The following ZNF155 variants were observed in gnomAD, a reference collection of about 807,000 sequenced individuals.
ZNF155 encodes the protein KRAB A domain.
A neutral mutation model predicts 11.9 loss-of-function variants in ZNF155; 15 were observed. The ratio of observed to expected loss-of-function variants is 1.26; its 90% CI spans 0.84 to 1.94. ZNF155 has a LOEUF of 1.94. Ranked by LOEUF, ZNF155 falls within the 30% of genes most tolerant of loss-of-function variation. The pLI is 0.00. For synonymous variants in ZNF155, 212 were observed against 219.9 expected (o/e 0.96, Z 0.32); for missense variants, 602 against 639.1 (o/e 0.94, Z 0.63).
chr19:43,992,971 C>G (rs1975716500), intron 4 of ZNF155, among the ~76,000 whole-genome samples: 1 of 152,236 alleles, frequency 6.6e-6, no homozygotes, highest in African/African-American at 2.4e-5. Context: ...TATCCTGGAG[C>G]TTTCCATAGG....
chr19:43,996,157 C>A lies in ZNF155; in HGVS notation c.300C>A (p.Cys100Ter). 6.2e-7 allele frequency: 1 copy of A among 1,613,890 alleles called. No homozygotes were observed. ...CAGGAGCACATGAAGAGTGGTCCTG[C>A]CAGCAAATCTGGGAACAAATTGCAA... Reference protein sequence around the residue: ...PEAGAHEEWSCQQIWEQIAKD... With the variant: ...PEAGAHEEWS Residue 100 changes from cysteine to a stop codon, truncating the protein, a stop_gained, in exon 5 of 5, where the codon TGC becomes TGA. Coordinates refer to ENST00000270014, the MANE Select transcript of ZNF155 (RefSeq NM_198089.3). LOFTEE classifies it low-confidence loss of function (END_TRUNC).
intron 1 of ZNF155, among the ~76,000 whole-genome samples, chr19:43,987,706 A>C (rs1200966291): frequency 1.3e-5 from 2 of 152,134 alleles, no homozygotes; most frequent in South Asian, 2.1e-4. Context: ...ATGGGCATTC[A>C]CTCTAAAAAT....
chr19:43,985,667 A>C (rs1975416479), intron 1 of ZNF155, among the ~76,000 whole-genome samples: 1 of 149,862 alleles, frequency 6.7e-6, no homozygotes, highest in Middle Eastern at 3.5e-3. Flanking sequence ...TCAGCCTCCT[A>C]AGTAGCTGGG....
chr19:43,986,077 T>C (rs1975430930), intron 1 of ZNF155, among the ~76,000 whole-genome samples: 1 of 152,250 alleles, frequency 6.6e-6, no homozygotes, highest in African/African-American at 2.4e-5. Flanking sequence ...GTAGGAGTCT[T>C]TTAAAAATTT....
At position 43,984,224 on chromosome 19, in the gene ZNF155, T is replaced by G. The variant is rs986479887; in HGVS notation, c.-107T>G. The G allele has an allele frequency of 6.6e-6, 1 of 152,010 alleles. No individual in the cohort carries two copies. Among genetic ancestry groups the G allele is most frequent in the African/African-American group, 2.4e-5 (1 of 41,410 alleles). 9.4% of individuals were successfully genotyped at this position (152,010 alleles called of 1,614,324 possible). On this transcript the variant is annotated 5_prime_UTR_variant, in exon 1 of 5. Transcript: ENST00000270014. ...CGGTCTCCGAGCAGGACACTGCTAC[T>G]TAACAAGGTGGTTTGAGCCAAGTAT...
At chr19:43,987,581 A>G (rs555770144) in intron 1 of ZNF155, among the ~76,000 whole-genome samples, 1 of 152,284 alleles carries the variant, frequency 6.6e-6, no homozygotes, top group Non-Finnish European at 1.5e-5. Context: ...TTGGCCCTTC[A>G]TTGGTGATCT....
At chr19:43,994,744 T>C (rs1234990435) in intron 4 of ZNF155, among the ~76,000 whole-genome samples, 1 of 152,178 alleles carries the variant, frequency 6.6e-6, no homozygotes, top group Non-Finnish European at 1.5e-5. Flanking sequence ...GTACTGTCAG[T>C]CACAGAAACT....
chr19:43,992,135 A>G (rs1337959540), intron 4 of ZNF155, among the ~76,000 whole-genome samples: 5 of 152,322 alleles, frequency 3.3e-5, no homozygotes, highest in East Asian at 3.9e-4. Flanking sequence ...AATGGAAGTC[A>G]GATTGTCATT....
intron 2 of ZNF155, chr19:43,988,951 A>T (rs1171413646): frequency 1.2e-5 from 2 of 161,262 alleles, no homozygotes; most frequent in African/African-American, 4.8e-5. Context: ...TTTTATGGTT[A>T]CATCATATTC....
intron 1 of ZNF155, among the ~76,000 whole-genome samples, chr19:43,985,533 CTTTTTTTTTTTTT>C (rs752604890): frequency 1.0e-5 from 1 of 97,876 alleles, no homozygotes; most frequent in African/African-American, 3.5e-5. Flanking sequence ...TGCTCTTTTT[CTTTTTTTTTTTTT>C]TTTTTTTTTC....
At chr19:43,990,179 G>A (rs1975603615) in intron 2 of ZNF155, 20 of 1,008,840 alleles carry the variant, frequency 2.0e-5, no homozygotes, top group Middle Eastern at 2.1e-4. Context: ...CTTATTTTTT[G>A]ATGTTTTAAT....
At chr19:43,991,982 T>C (rs1975683192) in intron 4 of ZNF155, 48 bp downstream of exon 4, 2 of 1,553,158 alleles carry the variant, frequency 1.3e-6, no homozygotes, top group Non-Finnish European at 1.8e-6. Flanking sequence ...CTCCCACCTG[T>C]TGTGCTTCTG....
In ZNF155 at chr19:43,996,781, G is replaced by A; in HGVS notation, c.924G>A (p.Met308Ile). The A allele has an allele frequency of 6.2e-7, 1 of 1,613,966 alleles. No homozygotes were observed. The highest frequency in any genetic ancestry group is 8.5e-7 in the Non-Finnish European group (1 of 1,179,984). Residue 308 changes from methionine to isoleucine, a missense_variant, in exon 5 of 5, where the codon ATG (methionine) becomes ATA (isoleucine). Met to Ile is a conservative substitution (Grantham distance 10). Coordinates refer to ENST00000270014, the MANE Select transcript of ZNF155 (RefSeq NM_198089.3). ...YFRSRLKSHS[M>I]VHTGEKPFRC... ...GGTCAAGACTTAAGAGCCATTCCATGGTTCACACAGGAGAAAAACCATTTA... is the reference window on the plus strand; with the variant it reads ...GGTCAAGACTTAAGAGCCATTCCATAGTTCACACAGGAGAAAAACCATTTA...
At chr19:43,993,429 T>C (rs1231261003) in intron 4 of ZNF155, among the ~76,000 whole-genome samples, 2 of 152,206 alleles carry the variant, frequency 1.3e-5, no homozygotes, top group Admixed American at 1.3e-4. Context: ...TTTAATTTAT[T>C]TTTGAGATGC....
chr19:43,984,614 C>T (rs1055778162), intron 1 of ZNF155, among the ~76,000 whole-genome samples: 1 of 152,076 alleles, frequency 6.6e-6, no homozygotes, highest in African/African-American at 2.4e-5. Context: ...CTCCCATTGC[C>T]GTTTTTTAAA....
chr19:43,997,154 T>A lies in ZNF155; in HGVS notation c.1297T>A (p.Cys433Ser). The A allele has an allele frequency of 1.9e-6, 3 of 1,613,766 alleles. No homozygotes were observed. The highest frequency in any genetic ancestry group is 2.5e-6 in the Non-Finnish European group (3 of 1,179,920). ...SGEKPYKCEE[C>S]GKGYVTKFNL... ...TGAAAAGCCATATAAATGTGAGGAG[T>A]GTGGGAAGGGCTATGTTACTAAGTT... Residue 433 changes from cysteine to serine, a missense_variant, in exon 5 of 5, where the codon TGT (cysteine) becomes AGT (serine). Transcript: ENST00000270014.
intron 4 of ZNF155, among the ~76,000 whole-genome samples, chr19:43,992,740 G>A (rs556131018): frequency 6.6e-6 from 1 of 152,214 alleles, no homozygotes; most frequent in Non-Finnish European, 1.5e-5. Flanking sequence ...CCGTTATGGC[G>A]TCTGCCGTTT....
At chr19:43,995,836 C>T (rs1975832275) in intron 4 of ZNF155, among the ~76,000 whole-genome samples, 1 of 152,050 alleles carries the variant, frequency 6.6e-6, no homozygotes, top group Non-Finnish European at 1.5e-5. Context: ...CTAGGAAATT[C>T]ATTACAAATA....
chr19:43,988,501 G>A lies in ZNF155; in HGVS notation c.-43G>A, dbSNP rs1476348374. 1 of 1,585,588 alleles carries A rather than the reference G, an allele frequency of 6.3e-7. No homozygotes were observed. The highest frequency in any genetic ancestry group is 1.7e-5 in the Admixed American group (1 of 57,562). On this transcript the variant is annotated 5_prime_UTR_variant, in exon 2 of 5. Coordinates refer to ENST00000270014, the MANE Select transcript of ZNF155 (RefSeq NM_198089.3). ...GCAGGATTCCTCCTTCATTCAAACTGCATCACCCAGGAGTCTGCAAATTCC... is the reference window on the plus strand; with the variant it reads ...GCAGGATTCCTCCTTCATTCAAACTACATCACCCAGGAGTCTGCAAATTCC...
Sources: allele counts gnomAD v4.1 joint callset (sites outside exome capture counted in the v4.1 genomes callset), GRCh38; gene constraint gnomAD v4.1.1; transcripts MANE v1.5; gene names NCBI Gene and HGNC (gene_info 2026-07-23, HGNC 2026-07-21).